ANKIB1: variants seen among roughly 807,000 people sequenced by gnomAD.
ANKIB1 encodes the protein ankyrin repeat and IBR domain containing 1, also known as ankyrin repeat and IBR domain-containing protein 1.
In ANKIB1, 43 loss-of-function variants were observed where a neutral mutation model predicts 122.1. The observed-to-expected ratio is 0.35, with a 90% confidence interval of 0.28 to 0.45. ANKIB1 has a LOEUF of 0.45. Among genes scored for constraint, ANKIB1 ranks in the 20% least tolerant of loss-of-function variants. ANKIB1 has a pLI of 1.00. For synonymous variants in ANKIB1, 390 were observed against 442.0 expected, an observed-to-expected ratio of 0.88 and a Z score of 1.48; for missense variants, 992 against 1,329.5, an observed-to-expected ratio of 0.75 and a Z score of 3.95.
intron 1 of ANKIB1, among the ~76,000 whole-genome samples, chr7:92,262,938 C>T (rs1473045005): frequency 1.3e-5 from 2 of 152,006 alleles, no homozygotes; most frequent in African/African-American, 4.8e-5. Flanking sequence ...GGAAGGGAGG[C>T]CTAATTGTCT....
At chr7:92,261,947 C>T (rs537115880) in intron 1 of ANKIB1, among the ~76,000 whole-genome samples, 3 of 152,286 alleles carry the variant, frequency 2.0e-5, no homozygotes, top group East Asian at 3.9e-4. Context: ...TGTAGGGAAG[C>T]GCAGTGACTC....
At chr7:92,309,866 A>G (rs1212897280) in intron 3 of ANKIB1, among the ~76,000 whole-genome samples, 2 of 147,822 alleles carry the variant, frequency 1.4e-5, no homozygotes, top group Non-Finnish European at 3.0e-5. Context: ...CAGAGGTTGC[A>G]GTGAGTCAAG....
At chr7:92,342,418 T>G (rs1803458232) in intron 5 of ANKIB1, among the ~76,000 whole-genome samples, 2 of 152,228 alleles carry the variant, frequency 1.3e-5, no homozygotes, top group South Asian at 4.1e-4. Flanking sequence ...CTTGGCAATT[T>G]TTAAAATGTT....
At chr7:92,252,384 T>A (rs1015486009) in intron 1 of ANKIB1, among the ~76,000 whole-genome samples, 4 of 147,840 alleles carry the variant, frequency 2.7e-5, no homozygotes, top group Non-Finnish European at 4.4e-5. Context: ...CATAAGGTAC[T>A]ACTTTTTTTT....
At chr7:92,382,254 C>G (rs566128255) in intron 11 of ANKIB1, among the ~76,000 whole-genome samples, 48 of 152,218 alleles carry the variant, frequency 3.2e-4, no homozygotes, top group South Asian at 2.7e-3. Context: ...CCTGAGAGAC[C>G]TAAAAAGAGA....
intron 1 of ANKIB1, chr7:92,294,315 A>T (rs1474744614): frequency 1.3e-5 from 2 of 152,198 alleles, no homozygotes; most frequent in Admixed American, 1.3e-4. Flanking sequence ...TCTGTGTATT[A>T]TCAGTTTTAG....
intron 5 of ANKIB1, among the ~76,000 whole-genome samples, chr7:92,334,896 A>G (rs965732667): frequency 3.9e-5 from 6 of 151,934 alleles, no homozygotes; most frequent in Non-Finnish European, 8.8e-5. Context: ...CATCCTTCAA[A>G]TATGCCCTTG....
At chr7:92,350,083 A>G (rs1236780024) in intron 7 of ANKIB1, among the ~76,000 whole-genome samples, 1 of 151,942 alleles carries the variant, frequency 6.6e-6, no homozygotes, top group East Asian at 1.9e-4. Context: ...GATTCTTGAT[A>G]CTTTTTTACA....
chr7:92,349,157 A>G (rs1244948361), intron 7 of ANKIB1, among the ~76,000 whole-genome samples: 3 of 152,190 alleles, frequency 2.0e-5, no homozygotes, highest in African/African-American at 4.8e-5. Flanking sequence ...GAGAGAAAGG[A>G]TAGGTTATTG....
intron 9 of ANKIB1, among the ~76,000 whole-genome samples, chr7:92,360,718 A>G (rs1378763467): frequency 1.3e-5 from 2 of 152,218 alleles, no homozygotes; most frequent in Non-Finnish European, 2.9e-5. Context: ...AAGGGTTCCC[A>G]TCTTTGCACA....
At chr7:92,331,268 CTTTTT>C (rs1438187815) in intron 5 of ANKIB1, among the ~76,000 whole-genome samples, 4 of 135,722 alleles carry the variant, frequency 2.9e-5, no homozygotes, top group Non-Finnish European at 1.6e-5. Context: ...AACATCACTT[CTTTTT>C]TTTTTTTTTT....
In ANKIB1 at chr7:92,246,430, A is replaced by G. The variant is rs778608024; in HGVS notation, c.-180A>G. The G allele has an allele frequency of 3.1e-5, 16 of 516,660 alleles. No homozygotes were observed. The highest frequency in any genetic ancestry group is 2.3e-4 in the South Asian group (16 of 71,064). 32.0% of individuals were successfully genotyped at this position (516,660 alleles called of 1,614,324 possible). A position where few individuals can be genotyped will look rare whatever the true frequency, so the allele number is the denominator to read the frequency against. ...TGGGGCGGGCTGGGTACCTGAGGTC[A>G]CCAGCTCGGCTGTAGAGGCAGGGGC... is the stretch of plus-strand genomic sequence containing the variant. On this transcript the variant is annotated 5_prime_UTR_variant, in exon 1 of 20. Coordinates refer to ENST00000265742, the MANE Select transcript of ANKIB1 (RefSeq NM_019004.2).
intron 3 of ANKIB1, among the ~76,000 whole-genome samples, chr7:92,314,744 T>TC (rs1802758353): frequency 6.6e-6 from 1 of 152,198 alleles, no homozygotes; most frequent in Non-Finnish European, 1.5e-5. Context: ...GAACAGTAGT[T>TC]CTAAGCATGG....
chr7:92,305,418 A>T (rs1195943468), intron 2 of ANKIB1, among the ~76,000 whole-genome samples: 3 of 152,200 alleles, frequency 2.0e-5, no homozygotes, highest in Non-Finnish European at 4.4e-5. Flanking sequence ...TTATGGCATG[A>T]ATTTGCTGTG....
chr7:92,270,088 G>T (rs1308073514), intron 1 of ANKIB1, among the ~76,000 whole-genome samples: 2 of 151,892 alleles, frequency 1.3e-5, no homozygotes, highest in Non-Finnish European at 2.9e-5. Flanking sequence ...TGGAGATAGG[G>T]TCTCACTGTT....
chr7:92,319,980 A>G (rs900235894), intron 4 of ANKIB1: 4 of 153,690 alleles, frequency 2.6e-5, no homozygotes, highest in East Asian at 1.9e-4. Flanking sequence ...ACCTGGAGCT[A>G]TGGGTCTTTT....
chr7:92,325,243 A>G (rs1042647683), intron 4 of ANKIB1, among the ~76,000 whole-genome samples: 2 of 152,214 alleles, frequency 1.3e-5, no homozygotes, highest in African/African-American at 4.8e-5. Context: ...TAGTCTATAT[A>G]ACTTAAAAAG....
intron 12 of ANKIB1, 35 bp downstream of exon 12, chr7:92,386,678 A>C: frequency 1.3e-6 from 2 of 1,507,250 alleles, no homozygotes; most frequent in Middle Eastern, 1.8e-4. Context: ...ACATCTCTCT[A>C]AACCGCTCAC....
In ANKIB1 at chr7:92,319,362, T is replaced by C. The variant is rs200525989; in HGVS notation, c.519T>C (p.Ala173=). 13 of 1,603,048 alleles carry C rather than the reference T, an allele frequency of 8.1e-6. No homozygotes were observed. Among genetic ancestry groups the C allele is most frequent in the Non-Finnish European group, 1.1e-5 (13 of 1,176,450 alleles). The change falls in exon 4 of 20, where the codon GCT becomes GCC. Residue 173 remains alanine (A), a synonymous_variant. Transcript: ENST00000265742. ...TAAAACATGGAGGAGACTTGTTTGC[T>C]GAGAATGAAAATAAAGATACTCCTT... ...LLVKHGGDLF[A]ENENKDTPCD... is the part of the protein sequence containing the mutation.
Sources: allele counts gnomAD v4.1 joint callset (sites outside exome capture counted in the v4.1 genomes callset), GRCh38; gene constraint gnomAD v4.1.1; transcripts MANE v1.5; gene names NCBI Gene and HGNC (gene_info 2026-07-23, HGNC 2026-07-21).